The following SORCS2 variants were observed in gnomAD, a reference collection of about 807,000 sequenced individuals.
The protein encoded by SORCS2 is sortilin related VPS10 domain containing receptor 2, also known as VPS10 domain-containing receptor SorCS2.
Under a neutral mutation model 141.6 loss-of-function variants are expected in SORCS2, and 100 were observed. The ratio of observed to expected loss-of-function variants is 0.71; its 90% CI spans 0.60 to 0.83. SORCS2 has a LOEUF of 0.83. Ranked by LOEUF, SORCS2 falls within the 40% of genes least tolerant of loss-of-function variation. The pLI is 0.00. For synonymous variants in SORCS2, 789 were observed against 676.9 expected (o/e 1.17, Z -2.57); for missense variants, 1,646 against 1,560.2 (o/e 1.05, Z -0.93).
chr4:7,674,913 G>A (rs940223700), intron 8 of SORCS2, among the ~76,000 whole-genome samples: 17 of 152,164 alleles, frequency 1.1e-4, no homozygotes, highest in Non-Finnish European at 1.9e-4. Context: ...TGGGAGGGGC[G>A]GCTCCGCAGG....
chr4:7,611,923 G>A (rs548820311), intron 3 of SORCS2, among the ~76,000 whole-genome samples: 9 of 152,354 alleles, frequency 5.9e-5, no homozygotes, highest in African/African-American at 7.2e-5. Flanking sequence ...GATCCATGCC[G>A]AGAGGCCAGG....
chr4:7,577,866 C>T (rs551547944), intron 3 of SORCS2, among the ~76,000 whole-genome samples: 11 of 134,144 alleles, frequency 8.2e-5, no homozygotes, highest in South Asian at 4.9e-4. Context: ...AGCATATAGG[C>T]GAAGTCAGCT....
At position 7,568,924 on chromosome 4, in the gene SORCS2, TG is replaced by T. The variant is rs565397880; in HGVS notation, c.648+37297del. Among the ~76,000 whole-genome samples the T allele has an allele frequency of 9.3e-4, 142 of 152,026 alleles. 2 individuals are homozygous for T. The highest frequency in any genetic ancestry group is 3.1e-3 in the African/African-American group (129 of 41,456). ...GGCCTATTCCTCAGAATCTCAAAGG[TG>T]GTATGGGAACAGCTCCCCAAGGCTG... On this transcript the variant is annotated intron_variant, in intron 3 of 26. Transcript: ENST00000507866.
rs114239177 is a variant in SORCS2, at chr4:7,350,849, G to T, written c.481-45439G>T. 3.9e-3 allele frequency among the ~76,000 whole-genome samples: 598 copies of T among 152,310 alleles called. 4 individuals carry two copies. The highest frequency in any genetic ancestry group is 0.013 in the African/African-American group (553 of 41,566). On this transcript the variant is annotated intron_variant, in intron 1 of 26. Coordinates refer to ENST00000507866, the MANE Select transcript of SORCS2 (RefSeq NM_020777.3). ...TCTGGCTCACTTTGGAGCACACCAG[G>T]GCGGGTCCCCTTCATCTGTGTCCAC...
At chr4:7,326,355 T>C (rs1719258832) in intron 1 of SORCS2, among the ~76,000 whole-genome samples, 1 of 152,094 alleles carries the variant, frequency 6.6e-6, no homozygotes, top group Non-Finnish European at 1.5e-5. Context: ...TGTCTCCTCG[T>C]CTGTAAAGTG....
chr4:7,340,972 A>G (rs1462260313), intron 1 of SORCS2, among the ~76,000 whole-genome samples: 2 of 152,238 alleles, frequency 1.3e-5, no homozygotes, highest in African/African-American at 4.8e-5. Context: ...TCCCTGCTGC[A>G]TGGCCAGAGC....
chr4:7,681,130 T>C (rs962183876), intron 9 of SORCS2, among the ~76,000 whole-genome samples: 2 of 152,230 alleles, frequency 1.3e-5, no homozygotes, highest in Non-Finnish European at 2.9e-5. Context: ...ACTTGAAGAC[T>C]GATGCGTGTC....
At chr4:7,719,473 T>C (rs1726427677) in intron 18 of SORCS2, among the ~76,000 whole-genome samples, 2 of 152,152 alleles carry the variant, frequency 1.3e-5, no homozygotes, top group Non-Finnish European at 2.9e-5. Context: ...AGGGCTGGCG[T>C]TGGGGTCCCT....
intron 1 of SORCS2, among the ~76,000 whole-genome samples, chr4:7,333,090 G>A (rs957886474): frequency 7.9e-5 from 12 of 152,230 alleles, no homozygotes; most frequent in Non-Finnish European, 1.6e-4. Flanking sequence ...CACAGCAGGA[G>A]AGCAAGTGGA....
At chr4:7,702,806 C>A (rs894096164) in intron 12 of SORCS2, among the ~76,000 whole-genome samples, 1 of 152,212 alleles carries the variant, frequency 6.6e-6, no homozygotes, top group Non-Finnish European at 1.5e-5. Flanking sequence ...AGTGTTGGGC[C>A]AGGGGCTTGG....
At chr4:7,387,946 A>G (rs12510830) in intron 1 of SORCS2, among the ~76,000 whole-genome samples, 1 of 140,906 alleles carries the variant, frequency 7.1e-6, no homozygotes, top group Non-Finnish European at 1.5e-5. Context: ...CGATACACAT[A>G]CACACATGCA....
chr4:7,294,525 A>G (rs1716820539), intron 1 of SORCS2, among the ~76,000 whole-genome samples: 1 of 148,628 alleles, frequency 6.7e-6, no homozygotes, highest in Non-Finnish European at 1.5e-5. Context: ...TGCCCCAGGG[A>G]GCTCCTCCTC....
chr4:7,386,390 TG>T (rs149562081), intron 1 of SORCS2, among the ~76,000 whole-genome samples: 1,609 of 108,796 alleles, frequency 0.015, 133 homozygotes, highest in East Asian at 0.089. Context: ...CACACACACA[TG>T]GACATACACA....
At chr4:7,224,429 G>A (rs1728881116) in intron 1 of SORCS2, among the ~76,000 whole-genome samples, 1 of 152,178 alleles carries the variant, frequency 6.6e-6, no homozygotes, top group Non-Finnish European at 1.5e-5. Flanking sequence ...TGCAGCAGCA[G>A]GCTTTGGCCA....
chr4:7,706,134 C>T (rs62290735), intron 14 of SORCS2, among the ~76,000 whole-genome samples: 60,524 of 74,426 alleles, frequency 0.81, 24,632 homozygotes, highest in African/African-American at 0.84. Context: ...GGCTGGGCTC[C>T]GCCTGGACAG....
At position 7,575,071 on chromosome 4, in the gene SORCS2, C is replaced by T. The variant is rs533633159; in HGVS notation, c.648+43442C>T. ...CACTTGGTGAAGATCGGGGGACTGG[C>T]GGTGGGAGGACTGGGGCTCCACGTG... On this transcript the variant is annotated intron_variant, in intron 3 of 26. Transcript: ENST00000507866. Among the ~76,000 whole-genome samples the T allele has an allele frequency of 2.4e-3, 369 of 152,238 alleles. 4 individuals are homozygous for T. The highest frequency in any genetic ancestry group is 2.7e-3 in the Non-Finnish European group (185 of 67,994).
At chr4:7,283,369 A>G (rs573843282) in intron 1 of SORCS2, among the ~76,000 whole-genome samples, 106 of 152,328 alleles carry the variant, frequency 7.0e-4, no homozygotes, top group African/African-American at 2.5e-3. Flanking sequence ...GGGGAGCAGA[A>G]GGTGGGTGTT....
chr4:7,480,865 G>A (rs1730587601), intron 2 of SORCS2, among the ~76,000 whole-genome samples: 1 of 152,268 alleles, frequency 6.6e-6, no homozygotes. Context: ...CCCTGGGTGG[G>A]TTCACAGTCT....
intron 4 of SORCS2, among the ~76,000 whole-genome samples, chr4:7,649,986 A>G (rs934584492): frequency 1.3e-5 from 2 of 152,144 alleles, no homozygotes; most frequent in African/African-American, 4.8e-5. Flanking sequence ...GGCGGCTATT[A>G]GTGTGAATGA....
Sources: gnomAD v4.1 joint callset for allele counts (sites outside exome capture counted in the v4.1 genomes callset) on GRCh38, gnomAD v4.1.1 for gene constraint, MANE v1.5 for transcripts, NCBI Gene and HGNC (gene_info 2026-07-23, HGNC 2026-07-21) for gene names.